Variants in NPR2 observed in about 807,000 individuals in gnomAD.
NPR2 encodes natriuretic peptide receptor 2.
In NPR2, 49 loss-of-function variants were observed where a neutral mutation model predicts 120.7. That is an observed-to-expected ratio of 0.41 (90% CI 0.32 to 0.52). The LOEUF is 0.52. Ranked by LOEUF, NPR2 falls within the 20% of genes least tolerant of loss-of-function variation. The pLI is 0.36. For synonymous variants in NPR2, 484 were observed against 519.8 expected (o/e 0.93, Z 0.94); for missense variants, 931 against 1,362.9 (o/e 0.68, Z 4.99).
At chr9:35,793,450 A>G (rs1334303491) in intron 1 of NPR2, among the ~76,000 whole-genome samples, 2 of 152,160 alleles carry the variant, frequency 1.3e-5, no homozygotes, top group African/African-American at 2.4e-5. Context: ...ACTGGGCGCC[A>G]AGACCCCTTG....
Position 35,805,438 on chromosome 9 carries a change from T to C in NPR2, c.1888-73T>C. On this transcript the variant is annotated intron_variant, in intron 12 of 21. Coordinates refer to ENST00000342694, the MANE Select transcript of NPR2 (RefSeq NM_003995.4). The surrounding 1 kb of genome is among the most constrained non-coding windows in gnomAD (Gnocchi z 4.9). ...CCAAGATCTGTAGACAGCTAGCCAG[T>C]GCCCATCTCATGGAGAGAGGGTATT... 1 of 1,444,382 alleles carries C rather than the reference T, an allele frequency of 6.9e-7. No individual in the cohort carries two copies. Among genetic ancestry groups the C allele is most frequent in the Non-Finnish European group, 9.7e-7 (1 of 1,025,688 alleles). 89.5% of individuals were successfully genotyped at this position (1,444,382 alleles called of 1,614,324 possible). A position where few individuals can be genotyped will look rare whatever the true frequency, so the allele number is the denominator to read the frequency against.
chr9:35,799,645 C>T lies in NPR2; in HGVS notation c.901C>T (p.Pro301Ser), dbSNP rs1828069069. The T allele has an allele frequency of 2.5e-6, 4 of 1,614,010 alleles. No individual in the cohort carries two copies. Among genetic ancestry groups the T allele is most frequent in the Non-Finnish European group, 3.4e-6 (4 of 1,179,922 alleles). ...QTVLVITYRE[P>S]PNPEYQEFQN... ...TGTATTGGTGATCACGTACCGAGAA[C>T]CCCCAAATCCTGAGTATCAGGAATT... is the stretch of plus-strand genomic sequence containing the variant. Residue 301 changes from proline to serine, a missense_variant, in exon 3 of 22, where the codon CCC becomes TCC. Physicochemically the swap from Pro to Ser is moderately conservative, Grantham distance 74. Transcript: ENST00000342694.
chr9:35,793,777 TGATAGGTTAG>T lies in NPR2; in HGVS notation c.668-119_668-110del, dbSNP rs1588051570. The T allele has an allele frequency of 4.1e-6, 4 of 983,522 alleles. No homozygotes were observed. The East Asian group carries it at 9.7e-5, about 24-fold the overall frequency. The allele number at this position is 983,522 out of a possible 1,614,324, so 60.9% of individuals were successfully genotyped here. A position where few individuals can be genotyped will look rare whatever the true frequency, so the allele number is the denominator to read the frequency against. On this transcript the variant is annotated intron_variant, in intron 1 of 21. Transcript: ENST00000342694. ...GGCTGGGGAGCATCTGCTTTGGGGT[TGATAGGTTAG>T]GGCACTCTCTTTCTTGCTGAAGAGG...
chr9:35,802,094 C>A lies in NPR2; in HGVS notation c.1632+94C>A. The A allele has an allele frequency of 7.2e-7, 1 of 1,380,982 alleles. No homozygotes were observed. The highest frequency in any genetic ancestry group is 1.0e-6 in the Non-Finnish European group (1 of 967,244). The allele number at this position is 1,380,982 out of a possible 1,614,324, so 85.5% of individuals were successfully genotyped here. On this transcript the variant is annotated intron_variant, in intron 9 of 21. Transcript: ENST00000342694. This position sits in a 1 kb window ranked among gnomAD's most constrained non-coding sequence, Gnocchi z 4.2. ...CCCCTGAACCTCTGTCCCTCATACC[C>A]GACTCTCTGTGCCCAGCTGAGCTCC...
rs148802212 is a variant in NPR2 at position 35,805,089 on chromosome 9, T to C, written c.1888-422T>C. 6.6e-5 allele frequency among the ~76,000 whole-genome samples: 10 copies of C among 152,360 alleles called. No homozygotes were observed. In the East Asian group the frequency reaches 1.9e-3, roughly 29 times the overall value. ...TTTACAACTGGTCTTCCTTGGTATA[T>C]CCAGCTACTCTTGATACCTGGGTCT... On this transcript the variant is annotated intron_variant, in intron 12 of 21. Transcript: ENST00000342694. This position sits in a 1 kb window ranked among gnomAD's most constrained non-coding sequence, Gnocchi z 4.9.
rs766790400 is a variant in NPR2 at position 35,807,373 on chromosome 9, T to C, written c.2687T>C (p.Ile896Thr). The change falls in exon 18 of 22, where the codon ATA becomes ACA. Residue 896 changes from isoleucine (I) to threonine (T), a missense_variant. Transcript: ENST00000342694. The stretch of plus-strand genomic sequence containing the variant: ...GACCTGTATACCTGCTTTGATGCCA[T>C]AATTGACAACTTTGATGTCTACAAG... ...LNDLYTCFDA[I>T]IDNFDVYKVE... 6.2e-7 allele frequency: 1 copy of C among 1,613,090 alleles called. No individual in the cohort carries two copies. Among genetic ancestry groups the C allele is most frequent in the South Asian group, 1.1e-5 (1 of 91,014 alleles).
intron 2 of NPR2, 148 bp from the exon 3 acceptor site, chr9:35,799,470 A>T (rs949014700): frequency 8.8e-6 from 6 of 685,086 alleles, no homozygotes; most frequent in Admixed American, 2.1e-5. Context: ...AGAGAGAGAG[A>T]GGTTAGTAGC....
At position 35,802,109 on chromosome 9, in the gene NPR2, A is replaced by G. The variant is rs1175005096; in HGVS notation, c.1633-97A>G. 1 of 1,325,852 alleles carries G rather than the reference A, an allele frequency of 7.5e-7. No individual in the cohort carries two copies. Among genetic ancestry groups the G allele is most frequent in the Non-Finnish European group, 1.1e-6 (1 of 917,122 alleles). The allele number at this position is 1,325,852 out of a possible 1,614,324, so 82.1% of individuals were successfully genotyped here. On this transcript the variant is annotated intron_variant, in intron 9 of 21. Coordinates refer to ENST00000342694, the MANE Select transcript of NPR2 (RefSeq NM_003995.4). The surrounding 1 kb of genome is among the most constrained non-coding windows in gnomAD (Gnocchi z 4.2). ...CCCTCATACCCGACTCTCTGTGCCC[A>G]GCTGAGCTCCTGGGTGCTTCCACTG...
In NPR2 at chr9:35,806,604, A is replaced by T; in HGVS notation, c.2519+66A>T. 6.3e-7 allele frequency: 1 copy of T among 1,588,514 alleles called. No individual in the cohort carries two copies. Among genetic ancestry groups the T allele is most frequent in the Non-Finnish European group, 8.6e-7 (1 of 1,157,980 alleles). ...CTGCTCTGTTGGGCTCTGCCTCATC[A>T]GGCACCTGAGAACTCGCCTCCCCAC... On this transcript the variant is annotated intron_variant, in intron 16 of 21. Transcript: ENST00000342694. This position sits in a 1 kb window ranked among gnomAD's most constrained non-coding sequence, Gnocchi z 4.6.
intron 8 of NPR2, 23 bp from the exon 9 acceptor site, chr9:35,801,903 C>T (rs1232070730): frequency 1.2e-6 from 2 of 1,613,142 alleles, no homozygotes; most frequent in South Asian, 2.2e-5. Context: ...ATCCTTCCGC[C>T]TCCATGTTGC....
intron 12 of NPR2, among the ~76,000 whole-genome samples, chr9:35,804,387 A>C (rs776744128): frequency 9.9e-5 from 15 of 152,060 alleles, no homozygotes; most frequent in Non-Finnish European, 1.9e-4. Context: ...CGTGTGCTGC[A>C]GTGCCCGGCT....
chr9:35,808,038 C>T lies in NPR2; in HGVS notation c.2713-471C>T, dbSNP rs966521492. 1.4e-5 allele frequency: 10 copies of T among 693,516 alleles called. No homozygotes were observed. The Admixed American group carries it at 2.2e-4, about 15-fold the overall frequency. 43.0% of individuals were successfully genotyped at this position (693,516 alleles called of 1,614,324 possible). ...TAGTGTGTATTTCCTAAAAACTTCA[C>T]TGTGTATTTCCTTAAAACAATGGCA... On this transcript the variant is annotated intron_variant, in intron 18 of 21. Coordinates refer to ENST00000342694, the MANE Select transcript of NPR2 (RefSeq NM_003995.4). This position sits in a 1 kb window ranked among gnomAD's most constrained non-coding sequence, Gnocchi z 4.0.
chr9:35,805,867 C>A lies in NPR2; in HGVS notation c.2085C>A (p.Asn695Lys). 1 of 1,614,162 alleles carries A rather than the reference C, an allele frequency of 6.2e-7. No homozygotes were observed. Among genetic ancestry groups the A allele is most frequent in the Non-Finnish European group, 8.5e-7 (1 of 1,179,978 alleles). The change falls in exon 14 of 22, where the codon AAC becomes AAA. Residue 695 changes from asparagine to lysine, a missense_variant. Physicochemically the swap from Asn to Lys is moderately conservative, Grantham distance 94. Transcript: ENST00000342694. The surrounding 1 kb of genome is among the most constrained non-coding windows in gnomAD (Gnocchi z 4.9). ...CTGCCCCAGAACTGCTCAGTGGGAA[C>A]CCCTTGCCAACCACAGGCATGCAGA... ...LWTAPELLSGNPLPTTGMQKA... is the reference protein window; with the variant it reads ...LWTAPELLSGKPLPTTGMQKA...
chr9:35,805,534 C>T lies in NPR2; in HGVS notation c.1911C>T (p.Ser637=). 6.2e-7 allele frequency: 1 copy of T among 1,614,182 alleles called. No individual in the cohort carries two copies. The highest frequency in any genetic ancestry group is 8.5e-7 in the Non-Finnish European group (1 of 1,180,016). Reference sequence around the variant, plus strand: ...AGGGCATGGCCTTTCTCCACAACAGCATTATTTCATCGCATGGGAGTCTCA... The same window carrying T: ...AGGGCATGGCCTTTCTCCACAACAGTATTATTTCATCGCATGGGAGTCTCA... ...LVKGMAFLHN[S]IISSHGSLKS... Residue 637 remains serine, a synonymous_variant, in exon 13 of 22, where the codon AGC becomes AGT. Coordinates refer to ENST00000342694, the MANE Select transcript of NPR2 (RefSeq NM_003995.4). The surrounding 1 kb of genome is among the most constrained non-coding windows in gnomAD (Gnocchi z 4.9).
Position 35,800,588 on chromosome 9 carries a change from T to A in NPR2, c.1218+105T>A. The A allele has an allele frequency of 6.3e-7, 1 of 1,584,734 alleles. No individual in the cohort carries two copies. Among genetic ancestry groups the A allele is most frequent in the Non-Finnish European group, 8.7e-7 (1 of 1,154,624 alleles). ...ACTACTAGATGAGGGATTTGTTTTCTCTGCTGGCACTGCATCCTGGCTGGG... is the reference window on the plus strand; with the variant it reads ...ACTACTAGATGAGGGATTTGTTTTCACTGCTGGCACTGCATCCTGGCTGGG... On this transcript the variant is annotated intron_variant, in intron 5 of 21. Transcript: ENST00000342694. The surrounding 1 kb of genome is among the most constrained non-coding windows in gnomAD (Gnocchi z 4.7).
In NPR2 at chr9:35,805,838, T is replaced by C; in HGVS notation, c.2056T>C (p.Trp686Arg). ...CGGTTTCCTCTTTTCAGAGAAGCTG[T>C]GGACTGCCCCAGAACTGCTCAGTGG... Reference protein sequence around the residue: ...DSHALYAKKLWTAPELLSGNP... With the variant: ...DSHALYAKKLRTAPELLSGNP... The change falls in exon 14 of 22, where the codon TGG becomes CGG. Residue 686 changes from tryptophan (W) to arginine (R), a missense_variant. Around this residue, in one of 3 missense-constraint regions of NPR2, gnomAD observed 681 missense variants for 974.3 expected, o/e 0.70. Transcript: ENST00000342694. This position sits in a 1 kb window ranked among gnomAD's most constrained non-coding sequence, Gnocchi z 4.9. 1.2e-6 allele frequency: 2 copies of C among 1,614,142 alleles called. No individual in the cohort carries two copies. The highest frequency in any genetic ancestry group is 1.7e-6 in the Non-Finnish European group (2 of 1,179,996).
At chr9:35,794,674 A>G (rs117592739) in intron 2 of NPR2, among the ~76,000 whole-genome samples, 43 of 152,328 alleles carry the variant, frequency 2.8e-4, no homozygotes, top group Non-Finnish European at 4.9e-4. Context: ...AGAAAAAGAT[A>G]GGAATGGGCG....
rs538079674 is a variant in NPR2, at chr9:35,803,817, T to G, written c.1887+1014T>G. Among the ~76,000 whole-genome samples, 29 of 152,366 alleles carry G rather than the reference T, an allele frequency of 1.9e-4. No individual in the cohort carries two copies. The South Asian group carries it at 5.2e-3, about 27-fold the overall frequency. On this transcript the variant is annotated intron_variant, in intron 12 of 21. Transcript: ENST00000342694. ...ATGAAGTTATTTAAAAAGTATTTTT[T>G]TGTGTGTGAAAATTTGCTATCAAAT...
rs1205821516 is a variant in NPR2, at chr9:35,802,981, T to G, written c.1887+178T>G. Among the ~76,000 whole-genome samples, 1 of 152,254 alleles carries G rather than the reference T, an allele frequency of 6.6e-6. No homozygotes were observed. Among genetic ancestry groups the G allele is most frequent in the East Asian group, 1.9e-4 (1 of 5,204 alleles). ...GGGGCTTATAACTGGGACAGTGAGT[T>G]TTACCTGCCACAAGGAGTCCTGTGC... On this transcript the variant is annotated intron_variant, in intron 12 of 21. Coordinates refer to ENST00000342694, the MANE Select transcript of NPR2 (RefSeq NM_003995.4). This position sits in a 1 kb window ranked among gnomAD's most constrained non-coding sequence, Gnocchi z 4.2.
Sources: allele counts gnomAD v4.1 joint callset (sites outside exome capture counted in the v4.1 genomes callset), GRCh38; gene constraint gnomAD v4.1.1; regional missense constraint gnomAD v4.1.1; non-coding constraint Gnocchi (gnomAD v3.1); transcripts MANE v1.5; gene names NCBI Gene and HGNC (gene_info 2026-07-23, HGNC 2026-07-21).